Variants in TCF12 observed in about 807,000 individuals in gnomAD.
TCF12 encodes the protein transcription factor 12, also known as DNA-binding protein HTF4.
TCF12 carries 45 observed loss-of-function variants against 86.0 expected under a neutral mutation model. The ratio of observed to expected loss-of-function variants is 0.52; its 90% CI spans 0.41 to 0.67. The LOEUF (loss-of-function observed/expected upper bound fraction) is 0.67. TCF12 is among the 30% of genes least tolerant of loss of function. TCF12 has a pLI of 0.00. For synonymous variants in TCF12, 330 were observed against 299.6 expected, an observed-to-expected ratio of 1.10 and a Z score of -1.05; for missense variants, 881 against 859.9, an observed-to-expected ratio of 1.02 and a Z score of -0.31.
intron 8 of TCF12, among the ~76,000 whole-genome samples, chr15:57,209,344 A>G (rs188677460): frequency 1.7e-3 from 261 of 152,336 alleles, no homozygotes; most frequent in African/African-American, 6.1e-3. Context: ...AAGCAGGAAA[A>G]TTACAGGTAA....
intron 4 of TCF12, among the ~76,000 whole-genome samples, chr15:57,087,041 C>CTCTCCCTCTG (rs879501401): frequency 5.3e-5 from 8 of 150,482 alleles, no homozygotes; most frequent in East Asian, 3.9e-4. Flanking sequence ...CTTCCCCTCT[C>CTCTCCCTCTG]TCTCCCTCTG....
At chr15:57,073,809 C>T (rs979380885) in intron 4 of TCF12, among the ~76,000 whole-genome samples, 2 of 152,066 alleles carry the variant, frequency 1.3e-5, no homozygotes, top group African/African-American at 4.8e-5. Flanking sequence ...AGTACGGTGG[C>T]GCAATCTTGG....
chr15:56,970,245 G>A (rs2062221900), intron 3 of TCF12, among the ~76,000 whole-genome samples: 1 of 151,808 alleles, frequency 6.6e-6, no homozygotes, highest in Non-Finnish European at 1.5e-5. Context: ...ACTTTGGGAA[G>A]CTGAGGTGGG....
chr15:57,218,173 G>A (rs1188930946), intron 8 of TCF12, among the ~76,000 whole-genome samples: 1 of 152,140 alleles, frequency 6.6e-6, no homozygotes, highest in Non-Finnish European at 1.5e-5. Flanking sequence ...ATATTTCACA[G>A]AGGATTTCTG....
rs1245438103 is a variant in TCF12 at position 57,282,242 on chromosome 15, A to C, written c.1979-203A>C. 1.1e-5 allele frequency: 7 copies of C among 612,120 alleles called. No homozygotes were observed. The African/African-American group carries it at 1.3e-4, about 11-fold the overall frequency. The allele number at this position is 612,120 out of a possible 1,614,324, so 37.9% of individuals were successfully genotyped here. A position where few individuals can be genotyped will look rare whatever the true frequency, so the allele number is the denominator to read the frequency against. ...AAAACTAAATCATAAGCAAAAAATGAAGAAAACACAAGATGGTCACTTAGA... is the reference window on the plus strand; with the variant it reads ...AAAACTAAATCATAAGCAAAAAATGCAGAAAACACAAGATGGTCACTTAGA... On this transcript the variant is annotated intron_variant, in intron 19 of 20. Transcript: ENST00000333725.
chr15:57,247,512 CTGT>C lies in TCF12; in HGVS notation c.1115-3837_1115-3835del. 1.5e-5 allele frequency: 13 copies of C among 851,032 alleles called. No homozygotes were observed. In the South Asian group the frequency reaches 1.7e-4, roughly 11 times the overall value. The allele number at this position is 851,032 out of a possible 1,614,324, so 52.7% of individuals were successfully genotyped here. ...CATTTCTGAACAACAATTTTATCAACTGTATCATGATCATCAAAAGTTATAAAA... is the reference window on the plus strand; with the variant it reads ...CATTTCTGAACAACAATTTTATCAACATCATGATCATCAAAAGTTATAAAA... On this transcript the variant is annotated intron_variant, in intron 13 of 20. Coordinates refer to ENST00000333725, the MANE Select transcript of TCF12 (RefSeq NM_207037.2).
chr15:57,063,871 A>C, intron 4 of TCF12, 48 bp downstream of exon 4: 1 of 1,432,678 alleles, frequency 7.0e-7, no homozygotes, highest in Non-Finnish European at 9.6e-7. Context: ...TTGGCAGACT[A>C]CGTAATTTCT....
At chr15:57,282,729 AAC>A in intron 20 of TCF12, 131 bp downstream of exon 20, 1 of 1,151,830 alleles carries the variant, frequency 8.7e-7, no homozygotes, top group Non-Finnish European at 1.2e-6. Context: ...TTTGAAATAT[AAC>A]AGTTTGTCTT....
intron 8 of TCF12, chr15:57,218,977 C>G: frequency 1.0e-6 from 1 of 974,614 alleles, no homozygotes; most frequent in Non-Finnish European, 1.2e-6. Flanking sequence ...CTTCTTGTTA[C>G]ACATGATTCA....
chr15:57,246,476 G>C (rs1165432670), intron 13 of TCF12, among the ~76,000 whole-genome samples: 5 of 152,050 alleles, frequency 3.3e-5, no homozygotes, highest in African/African-American at 1.2e-4. Flanking sequence ...CAGGGCTCCT[G>C]CTCTACTTTG....
chr15:57,187,667 C>T (rs143932959), intron 6 of TCF12, among the ~76,000 whole-genome samples: 4 of 152,280 alleles, frequency 2.6e-5, no homozygotes, highest in Admixed American at 1.3e-4. Context: ...CATGGTGGCT[C>T]ATGCCTGTAA....
chr15:57,233,996 A>T, intron 11 of TCF12, 47 bp from the exon 12 acceptor site: 1 of 1,512,764 alleles, frequency 6.6e-7, no homozygotes, highest in Non-Finnish European at 9.2e-7. Context: ...CTAAAATATA[A>T]TACTTGCTTG....
chr15:56,957,162 A>T (rs1413245142), intron 3 of TCF12, among the ~76,000 whole-genome samples: 1 of 152,170 alleles, frequency 6.6e-6, no homozygotes, highest in Non-Finnish European at 1.5e-5. Flanking sequence ...TTGATCTTGG[A>T]TATCCAAGCC....
At chr15:57,222,196 TAAACAG>T (rs1177209629) in intron 8 of TCF12, among the ~76,000 whole-genome samples, 1 of 151,370 alleles carries the variant, frequency 6.6e-6, no homozygotes, top group Non-Finnish European at 1.5e-5. Context: ...GTCCTGCTCT[TAAACAG>T]AAAGCTTTCT....
intron 5 of TCF12, among the ~76,000 whole-genome samples, chr15:57,156,114 A>G (rs956268388): frequency 3.9e-5 from 6 of 152,240 alleles, no homozygotes; most frequent in African/African-American, 1.2e-4. Flanking sequence ...CTCAAAATGT[A>G]TTAAACAAGT....
intron 12 of TCF12, among the ~76,000 whole-genome samples, chr15:57,234,576 A>T (rs777709372): frequency 1.3e-5 from 2 of 152,228 alleles, no homozygotes; most frequent in Non-Finnish European, 2.9e-5. Context: ...AGCCAGATTC[A>T]TTGAAGAATC....
chr15:57,124,915 G>A (rs551533077), intron 5 of TCF12, among the ~76,000 whole-genome samples: 19 of 151,558 alleles, frequency 1.3e-4, no homozygotes, highest in Non-Finnish European at 2.5e-4. Context: ...CTCGTGATCC[G>A]CCCGCCTCCA....
chr15:57,000,973 T>C (rs2063993749), intron 3 of TCF12, among the ~76,000 whole-genome samples: 1 of 151,518 alleles, frequency 6.6e-6, no homozygotes, highest in Admixed American at 6.6e-5. Flanking sequence ...GTAATTATTC[T>C]AGTGCTTTTA....
intron 6 of TCF12, among the ~76,000 whole-genome samples, chr15:57,191,875 A>G (rs1567598335): frequency 2.0e-5 from 3 of 151,732 alleles, no homozygotes; most frequent in Admixed American, 6.6e-5. Context: ...CAGAGGTCGC[A>G]GTGAGCTGAG....
Sources: gnomAD v4.1 joint callset for allele counts (sites outside exome capture counted in the v4.1 genomes callset) on GRCh38, gnomAD v4.1.1 for gene constraint, MANE v1.5 for transcripts, NCBI Gene and HGNC (gene_info 2026-07-23, HGNC 2026-07-21) for gene names.